Variants in C12orf42 observed in about 807,000 individuals in gnomAD.
C12orf42 encodes the protein chromosome 12 open reading frame 42.
C12orf42 carries 25 observed loss-of-function variants against 21.6 expected under a neutral mutation model. That is an observed-to-expected ratio of 1.16 (90% CI 0.84 to 1.62). C12orf42 has a LOEUF of 1.62. Among genes scored for constraint, C12orf42 ranks in the 40% most tolerant of loss-of-function variants. The pLI is 0.00. For missense variants in C12orf42, 483 were observed against 459.3 expected, an observed-to-expected ratio of 1.05 and a Z score of -0.47; for synonymous variants, 174 against 175.0, an observed-to-expected ratio of 0.99 and a Z score of 0.05.
chr12:103,457,587 T>TTTGTCTG (rs1163630598), intron 2 of C12orf42, among the ~76,000 whole-genome samples: 5 of 152,194 alleles, frequency 3.3e-5, no homozygotes, highest in Non-Finnish European at 5.9e-5. Context: ...CATGTGTCTG[T>TTTGTCTG]TTTTAAATTA....
At chr12:103,120,236 A>G in the C12orf42 span, among the ~76,000 whole-genome samples, 3 of 152,234 alleles carry the variant, frequency 2.0e-5, no homozygotes, top group East Asian at 1.9e-4. Flanking sequence ...TGTTAAGTGC[A>G]ATAATAGAAG....
At position 103,452,994 on chromosome 12, in the gene C12orf42, G is replaced by A. The variant is rs147036421; in HGVS notation, c.78+25355C>T. Among the ~76,000 whole-genome samples, 309 of 151,362 alleles carry A rather than the reference G, an allele frequency of 2.0e-3. 2 individuals are homozygous for A. The highest frequency in any genetic ancestry group is 6.4e-3 in the African/African-American group (263 of 41,134). ...TACATATGTAACAAACTTGCATGTC[G>A]TGCACATGTACCCTAGAACTTATAG... On this transcript the variant is annotated intron_variant, in intron 2 of 5. Transcript: ENST00000548883.
chr12:103,504,823 C>T, the C12orf42 span: 13 of 155,816 alleles, frequency 8.3e-5, 1 homozygote, highest in Admixed American at 4.5e-4. Context: ...TCATATGGTC[C>T]GGAACATCAG....
chr12:103,105,221 C>T, the C12orf42 span, among the ~76,000 whole-genome samples: 14 of 152,120 alleles, frequency 9.2e-5, no homozygotes, highest in East Asian at 1.9e-3. Flanking sequence ...GAGAATGATC[C>T]ACTGTAAGGG....
intron 2 of C12orf42, among the ~76,000 whole-genome samples, chr12:103,457,426 T>C (rs1276865867): frequency 6.6e-6 from 1 of 152,168 alleles, no homozygotes; most frequent in African/African-American, 2.4e-5. Flanking sequence ...CCTCTGTGGC[T>C]TGAAAGTACA....
rs146652629 is a variant in C12orf42, at chr12:103,276,240, C to T, written n.398+910G>A. Among the ~76,000 whole-genome samples the T allele has an allele frequency of 5.4e-4, 82 of 152,170 alleles. No individual in the cohort carries two copies. The East Asian group carries it at 0.014, about 25-fold the overall frequency. On this transcript the variant is annotated intron_variant and non_coding_transcript_variant, in intron 5 of 6. Coordinates refer to the C12orf42 transcript ENST00000546526. ...AATAGTTCTGTAACATGTTAATAAG[C>T]TATCTACCAAAAACCTACAGCAAGC...
At chr12:103,341,543 T>C (rs906526346) in intron 4 of C12orf42, among the ~76,000 whole-genome samples, 1 of 152,050 alleles carries the variant, frequency 6.6e-6, no homozygotes, top group Non-Finnish European at 1.5e-5. Flanking sequence ...AAAATATCGA[T>C]TAATACAAAA....
intron 10 of C12orf42, among the ~76,000 whole-genome samples, chr12:103,253,737 C>T (rs2034419203): frequency 1.3e-5 from 2 of 152,098 alleles, no homozygotes; most frequent in African/African-American, 2.4e-5. Flanking sequence ...TTCTCCCCTA[C>T]CTTATGCCCC....
At chr12:103,408,446 A>G (rs2048586252) in intron 2 of C12orf42, among the ~76,000 whole-genome samples, 1 of 152,194 alleles carries the variant, frequency 6.6e-6, no homozygotes. Context: ...ATTCAAAAGC[A>G]TCAGCTCCTA....
intron 4 of C12orf42, among the ~76,000 whole-genome samples, chr12:103,281,915 A>AAAAAG (rs1555243153): frequency 7.1e-6 from 1 of 141,828 alleles, no homozygotes; most frequent in South Asian, 2.4e-4. Context: ...AGAAGAAAGA[A>AAAAAG]AAAGAAAGAA....
the C12orf42 span, among the ~76,000 whole-genome samples, chr12:103,090,446 G>A: frequency 6.6e-6 from 1 of 152,054 alleles, no homozygotes; most frequent in African/African-American, 2.4e-5. Flanking sequence ...TGTAACTTTG[G>A]GTAAAATGTT....
At chr12:103,548,396 A>G in the C12orf42 span, among the ~76,000 whole-genome samples, 1 of 152,226 alleles carries the variant, frequency 6.6e-6, no homozygotes. Flanking sequence ...TATAATTCAA[A>G]CTAATTATAT....
chr12:103,242,190 T>G (rs973035884), intron 10 of C12orf42, among the ~76,000 whole-genome samples: 36 of 152,202 alleles, frequency 2.4e-4, no homozygotes, highest in African/African-American at 8.4e-4. Context: ...GTTAACTTTC[T>G]TCTTAAGTGC....
At chr12:103,106,471 G>GT in the C12orf42 span, among the ~76,000 whole-genome samples, 1 of 151,916 alleles carries the variant, frequency 6.6e-6, no homozygotes, top group African/African-American at 2.4e-5. Flanking sequence ...ATTTGGGTTT[G>GT]TTTAAAAAAA....
chr12:103,513,831 A>G, the C12orf42 span, among the ~76,000 whole-genome samples: 5 of 152,168 alleles, frequency 3.3e-5, no homozygotes, highest in Non-Finnish European at 7.3e-5. Flanking sequence ...CTTCTGGTGC[A>G]TGCATTTCAG....
At chr12:103,456,575 CTTA>C (rs1952309958) in intron 2 of C12orf42, among the ~76,000 whole-genome samples, 1 of 152,150 alleles carries the variant, frequency 6.6e-6, no homozygotes, top group Admixed American at 6.6e-5. Flanking sequence ...GTTTACCATT[CTTA>C]TTATGAAAAC....
chr12:103,353,028 A>G (rs1177813559), intron 4 of C12orf42, among the ~76,000 whole-genome samples: 3 of 152,166 alleles, frequency 2.0e-5, no homozygotes, highest in Non-Finnish European at 4.4e-5. Context: ...CCTAATCACC[A>G]TGTACTAAAT....
At chr12:103,245,860 C>T (rs568219943) in intron 10 of C12orf42, among the ~76,000 whole-genome samples, 21 of 152,166 alleles carry the variant, frequency 1.4e-4, no homozygotes, top group African/African-American at 5.1e-4. Flanking sequence ...CTTGCCCAAA[C>T]CAAGCCCATT....
At chr12:103,123,805 C>T in the C12orf42 span, among the ~76,000 whole-genome samples, 3 of 151,174 alleles carry the variant, frequency 2.0e-5, no homozygotes, top group African/African-American at 7.3e-5. Flanking sequence ...ATTATTTTAC[C>T]TATTTCTTTT....
Sources: allele counts gnomAD v4.1 joint callset (sites outside exome capture counted in the v4.1 genomes callset), GRCh38; gene constraint gnomAD v4.1.1; transcripts MANE v1.5; gene names NCBI Gene and HGNC (gene_info 2026-07-23, HGNC 2026-07-21).